Variants in CHD7 observed in about 807,000 individuals in gnomAD.
CHD7 encodes chromodomain helicase DNA binding protein 7, also known as ATP-dependent chromatin remodeler CHD7.
Under a neutral mutation model 307.3 loss-of-function variants are expected in CHD7, and 24 were observed. The ratio of observed to expected loss-of-function variants is 0.08; its 90% confidence interval spans 0.06 to 0.11. CHD7 has a LOEUF of 0.11. CHD7 is among the 10% of genes least tolerant of loss of function. The probability of loss-of-function intolerance (pLI) is 1.00; values close to 1 mark genes in which losing one functional copy is unlikely to be tolerated. For synonymous variants in CHD7, 1,363 were observed against 1,349.9 expected, an observed-to-expected ratio of 1.01 and a Z score of -0.21; for missense variants, 3,106 against 3,727.1, an observed-to-expected ratio of 0.83 and a Z score of 4.34.
intron 7 of CHD7, among the ~76,000 whole-genome samples, chr8:60,815,397 T>C (rs1293547871): frequency 1.3e-5 from 2 of 152,250 alleles, no homozygotes; most frequent in African/African-American, 4.8e-5. Context: ...CAAGATATAA[T>C]TTCTTTTTAA....
At chr8:60,858,934 T>C (rs1372609268) in intron 34 of CHD7, among the ~76,000 whole-genome samples, 2 of 152,226 alleles carry the variant, frequency 1.3e-5, no homozygotes, top group African/African-American at 2.4e-5. Flanking sequence ...TGTCTCTGGA[T>C]CAGGTGTTAG....
At chr8:60,687,789 A>G (rs780405793) in intron 1 of CHD7, among the ~76,000 whole-genome samples, 51 of 152,212 alleles carry the variant, frequency 3.4e-4, no homozygotes, top group Non-Finnish European at 5.1e-4. Flanking sequence ...GGAGACTAAA[A>G]GGGATGAGAA....
intron 2 of CHD7, among the ~76,000 whole-genome samples, chr8:60,765,374 T>TAAC (rs1810426089): frequency 6.6e-6 from 1 of 152,308 alleles, no homozygotes; most frequent in Admixed American, 6.5e-5. Context: ...GACAAGAGTA[T>TAAC]AACATGCTGC....
In CHD7 at chr8:60,822,086, C is replaced by T; in HGVS notation, c.2898C>T (p.Asn966=). 2 of 1,613,764 alleles carry T rather than the reference C, an allele frequency of 1.2e-6. No homozygotes were observed. The highest frequency in any genetic ancestry group is 1.3e-5 in the African/African-American group (1 of 75,026). Residue 966 remains asparagine, a synonymous_variant, in exon 11 of 38, where the codon AAC becomes AAT. Transcript: ENST00000423902. ...GTTCCAGGGAGTATAAAAACAATAA[C>T]AAACTCAGGGAATACCAGTTGGAGG... ...SESSREYKNN[N]KLREYQLEGV...
intron 3 of CHD7, among the ~76,000 whole-genome samples, chr8:60,788,202 C>T (rs1563601240): frequency 1.3e-5 from 2 of 151,338 alleles, no homozygotes; most frequent in Admixed American, 6.6e-5. Flanking sequence ...CAGCTCACTG[C>T]AGCCTCAGCC....
At chr8:60,841,614 CAAAGT>C in intron 19 of CHD7, 25 bp from the exon 20 acceptor site, 1 of 1,556,632 alleles carries the variant, frequency 6.4e-7, no homozygotes, top group Non-Finnish European at 8.9e-7. Context: ...AAAGGCCTCT[CAAAGT>C]AATGCGTTTC....
chr8:60,805,903 G>A (rs536995439), intron 6 of CHD7, among the ~76,000 whole-genome samples: 1 of 152,130 alleles, frequency 6.6e-6, no homozygotes, highest in Non-Finnish European at 1.5e-5. Context: ...ATTATCAGAA[G>A]GGCAAAAGCT....
rs530786704 is a variant in CHD7 at position 60,849,851 on chromosome 8, C to T, written c.5405-642C>T. Among the ~76,000 whole-genome samples, 3 of 152,178 alleles carry T rather than the reference C, an allele frequency of 2.0e-5. No individual in the cohort carries two copies. The East Asian group carries it at 5.8e-4, about 29-fold the overall frequency. Reference sequence around the variant, plus strand: ...TCCTAATTGAATTGTGCTGTTCTGCCTATGTACTGCAGCCACATTTTGTGA... The same window carrying T: ...TCCTAATTGAATTGTGCTGTTCTGCTTATGTACTGCAGCCACATTTTGTGA... On this transcript the variant is annotated intron_variant, in intron 25 of 37. Transcript: ENST00000423902.
At chr8:60,740,199 G>A (rs1563557533) in intron 1 of CHD7, among the ~76,000 whole-genome samples, 2 of 152,236 alleles carry the variant, frequency 1.3e-5, no homozygotes, top group East Asian at 3.8e-4. Context: ...CGTAGGGTGC[G>A]AACACAAGTG....
intron 4 of CHD7, among the ~76,000 whole-genome samples, chr8:60,796,347 T>A (rs556146112): frequency 6.6e-6 from 1 of 152,238 alleles, no homozygotes. Flanking sequence ...TTATTGATTT[T>A]TGTTTTTTTA....
chr8:60,815,569 G>A (rs1480668084), intron 7 of CHD7, among the ~76,000 whole-genome samples: 1 of 152,144 alleles, frequency 6.6e-6, no homozygotes, highest in African/African-American at 2.4e-5. Context: ...AAAGGGAAGT[G>A]CATATGTATT....
At chr8:60,747,792 A>C (rs911904715) in intron 2 of CHD7, among the ~76,000 whole-genome samples, 2 of 152,204 alleles carry the variant, frequency 1.3e-5, no homozygotes, top group East Asian at 3.8e-4. Flanking sequence ...GCTTAACGTC[A>C]CCACCTGACG....
intron 2 of CHD7, among the ~76,000 whole-genome samples, chr8:60,771,279 G>T (rs1586299737): frequency 6.6e-6 from 1 of 152,296 alleles, no homozygotes; most frequent in African/African-American, 2.4e-5. Flanking sequence ...ATTGTTATGT[G>T]ACACTTTACA....
At chr8:60,698,138 T>C (rs1017991954) in intron 1 of CHD7, among the ~76,000 whole-genome samples, 1 of 152,246 alleles carries the variant, frequency 6.6e-6, no homozygotes. Context: ...AGTATTTGAG[T>C]ATACATTCTA....
chr8:60,721,873 TAA>T (rs1807926764), intron 1 of CHD7, among the ~76,000 whole-genome samples: 1 of 152,208 alleles, frequency 6.6e-6, no homozygotes, highest in African/African-American at 2.4e-5. Flanking sequence ...ATAAGGGTGA[TAA>T]TATTTATTCT....
At position 60,866,147 on chromosome 8, in the gene CHD7, T is replaced by TAA; in HGVS notation, c.*214_*215insAA. 2.4e-6 allele frequency: 1 copy of TAA among 423,938 alleles called. No individual in the cohort carries two copies. The allele number at this position is 423,938 out of a possible 1,614,324, so 26.3% of individuals were successfully genotyped here. A position where few individuals can be genotyped will look rare whatever the true frequency, so the allele number is the denominator to read the frequency against. ...CATTATTTATTATCCCTAGGAGAGA[T>TAA]GAAATTTGAGAGGTGATCATGTCTT... On this transcript the variant is annotated 3_prime_UTR_variant, in exon 38 of 38. Coordinates refer to ENST00000423902, the MANE Select transcript of CHD7 (RefSeq NM_017780.4).
chr8:60,736,828 C>G (rs1211660020), intron 1 of CHD7, among the ~76,000 whole-genome samples: 2 of 152,178 alleles, frequency 1.3e-5, no homozygotes, highest in Non-Finnish European at 2.9e-5. Context: ...ACGTATTCAC[C>G]TATCTCCTTG....
chr8:60,825,206 A>G (rs1804210288), intron 13 of CHD7: 4 of 152,176 alleles, frequency 2.6e-5, no homozygotes, highest in Admixed American at 2.6e-4. Flanking sequence ...AAACACCTAA[A>G]AGCTTTTTGT....
At chr8:60,707,097 ATTAAG>A (rs1166552661) in intron 1 of CHD7, among the ~76,000 whole-genome samples, 4 of 152,212 alleles carry the variant, frequency 2.6e-5, no homozygotes, top group Admixed American at 2.0e-4. Flanking sequence ...AAAATAACAT[ATTAAG>A]TTAACATAAA....
Sources: gnomAD v4.1 joint callset for allele counts (sites outside exome capture counted in the v4.1 genomes callset) on GRCh38, gnomAD v4.1.1 for gene constraint, MANE v1.5 for transcripts, NCBI Gene and HGNC (gene_info 2026-07-23, HGNC 2026-07-21) for gene names.